The following SERPINE2 variants were observed in gnomAD, a reference collection of about 807,000 sequenced individuals.
The protein encoded by SERPINE2 is glia-derived nexin.
A neutral mutation model predicts 36.3 loss-of-function variants in SERPINE2; 14 were observed. That is an observed-to-expected ratio of 0.39 (90% CI 0.25 to 0.60). SERPINE2 has a LOEUF of 0.60. Among genes scored for constraint, SERPINE2 ranks in the 20% least tolerant of loss-of-function variants. SERPINE2 has a pLI of 0.57. For synonymous variants in SERPINE2, 192 were observed against 191.8 expected, an observed-to-expected ratio of 1.00 and a Z score of -0.01; for missense variants, 418 against 499.6, an observed-to-expected ratio of 0.84 and a Z score of 1.56.
At chr2:224,009,087 A>G (rs1559211387) in intron 1 of SERPINE2, among the ~76,000 whole-genome samples, 1 of 152,198 alleles carries the variant, frequency 6.6e-6, no homozygotes, top group Non-Finnish European at 1.5e-5. Flanking sequence ...TCCTGAATCA[A>G]GCCCAGCCTA....
chr2:224,019,284 T>A (rs538756533), intron 1 of SERPINE2, among the ~76,000 whole-genome samples: 21 of 152,312 alleles, frequency 1.4e-4, no homozygotes, highest in Admixed American at 1.2e-3. Flanking sequence ...ATTATACATA[T>A]GGATAATATA....
intron 1 of SERPINE2, among the ~76,000 whole-genome samples, chr2:224,035,573 TG>T (rs1211227939): frequency 1.3e-5 from 2 of 152,132 alleles, no homozygotes; most frequent in Non-Finnish European, 2.9e-5. Context: ...TTTACCATGT[TG>T]ATCAGGCTGG....
chr2:224,015,754 G>C (rs1691780036), intron 1 of SERPINE2, among the ~76,000 whole-genome samples: 1 of 152,172 alleles, frequency 6.6e-6, no homozygotes, highest in South Asian at 2.1e-4. Flanking sequence ...AAAAGCCTGA[G>C]TTTCATAAAA....
rs764508206 is a variant in SERPINE2 at position 223,984,749 on chromosome 2, T to C, written c.884+3A>G. 1.9e-6 allele frequency: 3 copies of C among 1,611,572 alleles called. No individual in the cohort carries two copies. Among genetic ancestry groups the C allele is most frequent in the Non-Finnish European group, 2.5e-6 (3 of 1,179,488 alleles). ...TTTTCTTTGAGGGGAAGGGGCCACTTACTTGGGCAGGATCACCTGCACCCT... is the reference window on the plus strand; with the variant it reads ...TTTTCTTTGAGGGGAAGGGGCCACTCACTTGGGCAGGATCACCTGCACCCT... On this transcript the variant is annotated splice_donor_region_variant and intron_variant, in intron 5 of 8. Coordinates refer to ENST00000409304, the MANE Select transcript of SERPINE2 (RefSeq NM_001136528.2).
rs114782699 is a variant in SERPINE2, at chr2:224,004,149, G to A, written c.-22-2227C>T. On this transcript the variant is annotated intron_variant, in intron 1 of 8. Coordinates refer to ENST00000409304, the MANE Select transcript of SERPINE2 (RefSeq NM_001136528.2). ...ATCACAACAGCGTTTATGGAGTGTG[G>A]CTAAGAAAACGCTTGTGTTTAATCC... is the stretch of plus-strand genomic sequence containing the variant. 9.7e-3 allele frequency among the ~76,000 whole-genome samples: 1,475 copies of A among 152,210 alleles called. 26 individuals are homozygous for A. Among genetic ancestry groups the A allele is most frequent in the African/African-American group, 0.032 (1,334 of 41,512 alleles).
chr2:223,977,699 C>CT, intron 7 of SERPINE2, 72 bp from the exon 8 acceptor site: 2 of 995,730 alleles, frequency 2.0e-6, no homozygotes, highest in Non-Finnish European at 3.2e-6. Flanking sequence ...AGCAAGTTAG[C>CT]TAGCTTCATG....
chr2:223,977,044 C>T (rs1690041493), intron 8 of SERPINE2, among the ~76,000 whole-genome samples: 1 of 152,142 alleles, frequency 6.6e-6, no homozygotes, highest in African/African-American at 2.4e-5. Flanking sequence ...CCCCTGCTGC[C>T]CTGTGAAGTG....
intron 1 of SERPINE2, among the ~76,000 whole-genome samples, chr2:224,014,999 A>G (rs1691750624): frequency 6.6e-6 from 1 of 150,518 alleles, no homozygotes. Context: ...TTTGGTTTTC[A>G]CCACTAGGTG....
chr2:223,977,481 G>A, intron 8 of SERPINE2, 63 bp downstream of exon 8: 2 of 1,016,798 alleles, frequency 2.0e-6, no homozygotes, highest in Non-Finnish European at 1.6e-6. Flanking sequence ...ATATAATGAA[G>A]AGTGCAATAT....
intron 8 of SERPINE2, 118 bp downstream of exon 8, chr2:223,977,426 G>C: frequency 2.8e-6 from 2 of 712,944 alleles, no homozygotes; most frequent in Middle Eastern, 2.6e-4. Flanking sequence ...CAAAGTGTCT[G>C]CAACTATTGA....
chr2:223,980,112 T>G (rs1466950741), intron 7 of SERPINE2, 199 bp downstream of exon 7: 1 of 489,182 alleles, frequency 2.0e-6, no homozygotes, highest in African/African-American at 1.9e-5. Flanking sequence ...GAAATGCTTT[T>G]CTTTAATGAA....
chr2:223,994,151 C>T (rs1690786878), intron 3 of SERPINE2, among the ~76,000 whole-genome samples: 1 of 152,180 alleles, frequency 6.6e-6, no homozygotes, highest in Admixed American at 6.5e-5. Context: ...CCTGGCCCCA[C>T]CATGACACCT....
In SERPINE2 at chr2:224,030,020, C is replaced by A. The variant is rs1431705983; in HGVS notation, c.-23+9079G>T. The A allele has an allele frequency of 1.4e-4, 139 of 981,600 alleles. 1 individual carries two copies. The highest frequency in any genetic ancestry group is 1.6e-4 in the Non-Finnish European group (136 of 826,606). 60.8% of individuals were successfully genotyped at this position (981,600 alleles called of 1,614,324 possible). ...GTCTGGCCCTGCATAGACATTTATTCGTTATTCACAACTAACCTAATGGAA... is the reference window on the plus strand; with the variant it reads ...GTCTGGCCCTGCATAGACATTTATTAGTTATTCACAACTAACCTAATGGAA... On this transcript the variant is annotated intron_variant, in intron 1 of 8. Transcript: ENST00000409304.
In SERPINE2 at chr2:223,980,353, T is replaced by C. The variant is rs1178972269; in HGVS notation, c.1030A>G (p.Ile344Val). ...HVSHILQKAKIEVSEDGTKAS... is the reference protein window; with the variant it reads ...HVSHILQKAKVEVSEDGTKAS... ...TTGGTTCCATCTTCACTGACTTCAA[T>C]TTTTGCTTTTTGCAAGATATGAGAA... Residue 344 changes from isoleucine (I) to valine (V), a missense_variant, in exon 7 of 9, where the codon ATT (isoleucine) becomes GTT (valine). Physicochemically the swap from Ile to Val is conservative, Grantham distance 29 (BLOSUM62 3). Transcript: ENST00000409304. The C allele has an allele frequency of 6.2e-7, 1 of 1,614,176 alleles. No individual in the cohort carries two copies. Among genetic ancestry groups the C allele is most frequent in the Non-Finnish European group, 8.5e-7 (1 of 1,179,984 alleles).
intron 3 of SERPINE2, among the ~76,000 whole-genome samples, chr2:223,996,904 C>T (rs1290940307): frequency 3.9e-5 from 6 of 152,078 alleles, no homozygotes; most frequent in Non-Finnish European, 5.9e-5. Context: ...CAGTGAGACC[C>T]CACCTCTTCA....
At chr2:223,998,640 T>C (rs1690989692) in intron 2 of SERPINE2, among the ~76,000 whole-genome samples, 2 of 152,044 alleles carry the variant, frequency 1.3e-5, no homozygotes, top group Non-Finnish European at 2.9e-5. Context: ...CGCTGGAGCC[T>C]GGGAAGTCGA....
intron 1 of SERPINE2, among the ~76,000 whole-genome samples, chr2:224,037,339 A>T (rs760461249): frequency 6.6e-6 from 1 of 152,166 alleles, no homozygotes; most frequent in Middle Eastern, 3.2e-3. Context: ...CTTGCATTGA[A>T]GATTACAGTG....
At chr2:224,023,234 T>C (rs998370617) in intron 1 of SERPINE2, among the ~76,000 whole-genome samples, 1 of 152,192 alleles carries the variant, frequency 6.6e-6, no homozygotes, top group Admixed American at 6.5e-5. Context: ...CTCTTGTGAG[T>C]CTGGTAATTG....
intron 1 of SERPINE2, chr2:224,010,486 G>C: frequency 2.2e-6 from 1 of 458,938 alleles, no homozygotes. Context: ...GGGTTGATGG[G>C]AAAAGGCTAG....
Sources: allele counts gnomAD v4.1 joint callset (sites outside exome capture counted in the v4.1 genomes callset), GRCh38; gene constraint gnomAD v4.1.1; transcripts MANE v1.5; gene names NCBI Gene and HGNC (gene_info 2026-07-23, HGNC 2026-07-21).